DARS1: variants seen among roughly 807,000 people sequenced by gnomAD.
The protein encoded by DARS1 is aspartyl-tRNA synthetase 1, also known as aspartate--tRNA ligase, cytoplasmic.
Under a neutral mutation model 68.8 loss-of-function variants are expected in DARS1, and 51 were observed. The observed-to-expected ratio is 0.74, with a 90% CI of 0.59 to 0.94. The LOEUF is 0.94. Among genes scored for constraint, DARS1 ranks in the 40% least tolerant of loss-of-function variants. The pLI, the probability that DARS1 is intolerant of heterozygous loss-of-function variation, is 0.00. For synonymous variants in DARS1, 203 were observed against 190.4 expected (o/e 1.07, Z -0.55); for missense variants, 607 against 597.3 (o/e 1.02, Z -0.17).
chr2:135,906,687 T>G lies in DARS1; in HGVS notation c.*629A>C, dbSNP rs963906241. The G allele has an allele frequency of 2.4e-4, 36 of 152,224 alleles. No homozygotes were observed. The highest frequency in any genetic ancestry group is 8.4e-4 in the African/African-American group (35 of 41,460). 9.4% of individuals were successfully genotyped at this position (152,224 alleles called of 1,614,324 possible). A position where few individuals can be genotyped will look rare whatever the true frequency, so the allele number is the denominator to read the frequency against. On this transcript the variant is annotated 3_prime_UTR_variant, in exon 16 of 16. Coordinates refer to ENST00000264161, the MANE Select transcript of DARS1 (RefSeq NM_001349.4). The stretch of plus-strand genomic sequence containing the variant: ...AAGTTACACAAAAACTACAATTAGC[T>G]TTAAAATTTTATTGAAATTCAAGTT...
In DARS1 at chr2:135,924,224, A is replaced by G. The variant is rs1681165975; in HGVS notation, c.676+163T>C. On this transcript the variant is annotated intron_variant, in intron 8 of 15. Transcript: ENST00000264161. ...AAATGTACTTATTAAGGTTGGTGAT[A>G]TATGATTGTTGCTATATAAGATGGT... 2.0e-5 allele frequency among the ~76,000 whole-genome samples: 3 copies of G among 152,234 alleles called. No individual in the cohort carries two copies. In the South Asian group the frequency reaches 6.2e-4, roughly 32 times the overall value.
intron 5 of DARS1, chr2:135,943,060 C>G: frequency 5.0e-6 from 1 of 201,592 alleles, no homozygotes; most frequent in Non-Finnish European, 1.0e-5. Flanking sequence ...ATCAACATAT[C>G]TGGGCTAGCC....
chr2:135,954,344 AAG>A (rs963359087), intron 4 of DARS1, among the ~76,000 whole-genome samples: 7 of 150,830 alleles, frequency 4.6e-5, no homozygotes, highest in African/African-American at 1.7e-4. Flanking sequence ...AAAAAAAAAA[AAG>A]AGAGAGAGAA....
intron 5 of DARS1, among the ~76,000 whole-genome samples, chr2:135,942,312 T>C (rs1681619880): frequency 1.3e-5 from 2 of 152,118 alleles, no homozygotes; most frequent in South Asian, 4.1e-4. Context: ...CACCATGGAA[T>C]ACTATGCAGC....
At chr2:135,971,234 T>A (rs1682361807) in intron 3 of DARS1, among the ~76,000 whole-genome samples, 1 of 152,160 alleles carries the variant, frequency 6.6e-6, no homozygotes, top group South Asian at 2.1e-4. Context: ...GGTAAAAAGA[T>A]CATTCATCGT....
intron 3 of DARS1, among the ~76,000 whole-genome samples, chr2:135,963,787 C>A (rs1682151994): frequency 2.0e-5 from 3 of 151,820 alleles, no homozygotes; most frequent in Non-Finnish European, 4.4e-5. Context: ...TCAAGCAATT[C>A]TCCTGTCTCA....
chr2:135,985,517 G>C lies in DARS1; in HGVS notation c.-49C>G. On this transcript the variant is annotated 5_prime_UTR_variant, in exon 1 of 16. Transcript: ENST00000264161. ...ACACCACCCTCCCTCGCAGGCTTCC[G>C]TAAGGCAGGCCAAAGGGGCTTCTCC... 1 of 1,613,600 alleles carries C rather than the reference G, an allele frequency of 6.2e-7. No homozygotes were observed. The highest frequency in any genetic ancestry group is 8.5e-7 in the Non-Finnish European group (1 of 1,179,806).
At chr2:135,961,020 C>T (rs1327721589) in intron 4 of DARS1, among the ~76,000 whole-genome samples, 1 of 152,074 alleles carries the variant, frequency 6.6e-6, no homozygotes, top group African/African-American at 2.4e-5. Context: ...GGTTAGAAAA[C>T]TTGTTGCTCA....
chr2:135,979,317 T>G lies in DARS1; in HGVS notation c.174A>C (p.Glu58Asp). 1.3e-6 allele frequency: 2 copies of G among 1,528,242 alleles called. No homozygotes were observed. Among genetic ancestry groups the G allele is most frequent in the South Asian group, 2.2e-5 (2 of 89,404 alleles). The allele number at this position is 1,528,242 out of a possible 1,614,324, so 94.7% of individuals were successfully genotyped here. A position where few individuals can be genotyped will look rare whatever the true frequency, so the allele number is the denominator to read the frequency against. ...GAACTCTTGCACGTACCCAAACAAC[T>G]TCATCAGCTTTTTGTATTGTCAAGT... ...VRDLTIQKAD[E>D]VVWVRARVHT... Residue 58 changes from glutamate (E) to aspartate (D), a missense_variant, in exon 3 of 16, where the codon GAA becomes GAC. Glu to Asp is a conservative substitution (Grantham distance 45). Transcript: ENST00000264161.
chr2:135,956,780 T>C (rs1454296769), intron 4 of DARS1, among the ~76,000 whole-genome samples: 1 of 152,190 alleles, frequency 6.6e-6, no homozygotes, highest in East Asian at 1.9e-4. Flanking sequence ...TTTATTTTTT[T>C]TGAGATGGAG....
At chr2:135,982,285 G>A (rs545716065) in intron 2 of DARS1, among the ~76,000 whole-genome samples, 140 of 152,206 alleles carry the variant, frequency 9.2e-4, no homozygotes, top group African/African-American at 3.3e-3. Flanking sequence ...GAAACAACAT[G>A]AGTCAGGTCA....
At chr2:135,927,647 G>C (rs541787555) in intron 7 of DARS1, among the ~76,000 whole-genome samples, 1 of 152,094 alleles carries the variant, frequency 6.6e-6, no homozygotes, top group African/African-American at 2.4e-5. Flanking sequence ...CTAGGTGTTA[G>C]ATGATAACGG....
At position 135,906,337 on chromosome 2, in the gene DARS1, G is replaced by A. The variant is rs972996937; in HGVS notation, c.*979C>T. ...ATTTGTAATAATCTAGAGGGAAAGT[G>A]TTTCTAACTAATTCTTACACAAAAA... On this transcript the variant is annotated 3_prime_UTR_variant, in exon 16 of 16. Coordinates refer to ENST00000264161, the MANE Select transcript of DARS1 (RefSeq NM_001349.4). Among the ~76,000 whole-genome samples the A allele has an allele frequency of 1.3e-5, 2 of 152,084 alleles. No homozygotes were observed. The highest frequency in any genetic ancestry group is 2.9e-5 in the Non-Finnish European group (2 of 68,020).
intron 7 of DARS1, among the ~76,000 whole-genome samples, chr2:135,932,115 G>C (rs1011652813): frequency 6.6e-5 from 10 of 152,132 alleles, no homozygotes; most frequent in African/African-American, 2.4e-4. Flanking sequence ...AATAAGGGTA[G>C]ACTCACATGA....
At chr2:135,962,233 C>T (rs919631651) in intron 3 of DARS1, among the ~76,000 whole-genome samples, 1 of 152,092 alleles carries the variant, frequency 6.6e-6, no homozygotes, top group Non-Finnish European at 1.5e-5. Flanking sequence ...AACTGTTACT[C>T]CTTATTCTTA....
intron 15 of DARS1, among the ~76,000 whole-genome samples, chr2:135,909,688 C>G (rs1471197003): frequency 1.3e-5 from 2 of 152,142 alleles, no homozygotes; most frequent in Non-Finnish European, 2.9e-5. Flanking sequence ...CTTTCTGTGC[C>G]TGATGTGCTA....
At chr2:135,984,287 T>C (rs1472433638) in intron 1 of DARS1, among the ~76,000 whole-genome samples, 1 of 152,206 alleles carries the variant, frequency 6.6e-6, no homozygotes, top group Non-Finnish European at 1.5e-5. Flanking sequence ...ACACTGATAG[T>C]TTATGTAATT....
chr2:135,939,404 T>A (rs1423066623), intron 5 of DARS1, among the ~76,000 whole-genome samples: 1 of 152,226 alleles, frequency 6.6e-6, no homozygotes, highest in Non-Finnish European at 1.5e-5. Flanking sequence ...TGCTCCTGAA[T>A]GACTACTGAG....
In DARS1 at chr2:135,943,218, C is replaced by T. The variant is rs1202216171; in HGVS notation, c.423+160G>A. 5 of 1,024,306 alleles carry T rather than the reference C, an allele frequency of 4.9e-6. 1 individual carries two copies. In the Admixed American group the frequency reaches 9.0e-5, roughly 18 times the overall value. 63.5% of individuals were successfully genotyped at this position (1,024,306 alleles called of 1,614,324 possible). The stretch of plus-strand genomic sequence containing the variant: ...GTTTGTTGTTTCAAGTCACTAAGTA[C>T]TGGGGTGATTTGTTATATAACAAAA... On this transcript the variant is annotated intron_variant, in intron 5 of 15. Transcript: ENST00000264161.
Sources: allele counts gnomAD v4.1 joint callset (sites outside exome capture counted in the v4.1 genomes callset), GRCh38; gene constraint gnomAD v4.1.1; transcripts MANE v1.5; gene names NCBI Gene and HGNC (gene_info 2026-07-23, HGNC 2026-07-21).